SUN2: variants seen among roughly 807,000 people sequenced by gnomAD.
SUN2 encodes Sad1 and UNC84 domain containing 2.
SUN2 carries 60 observed loss-of-function variants against 100.0 expected under a neutral mutation model. The observed-to-expected ratio is 0.60, with a 90% CI of 0.49 to 0.74. The LOEUF is 0.74. SUN2 is among the 30% of genes least tolerant of loss of function. SUN2 has a pLI of 0.00. For missense variants in SUN2, 834 were observed against 954.6 expected (o/e 0.87, Z 1.66); for synonymous variants, 367 against 403.3 (o/e 0.91, Z 1.08).
intron 7 of SUN2, 100 bp downstream of exon 7, chr22:38,748,613 A>G (rs2092921428): frequency 7.3e-7 from 1 of 1,374,664 alleles, no homozygotes; most frequent in Admixed American, 1.7e-5. Flanking sequence ...AGTCACAGGC[A>G]CACCCCACCC....
In SUN2 at chr22:38,740,185, G is replaced by C. The variant is rs1272832870; in HGVS notation, c.1356+82C>G. On this transcript the variant is annotated intron_variant, in intron 12 of 17. Transcript: ENST00000689035. The surrounding 1 kb of genome is among the most constrained non-coding windows in gnomAD (Gnocchi z 4.8). ...CATAACAGAGGCTGCAGGGGCAAGG[G>C]GTGCTGCTTTGCAGGCCCCAGGACA... 5 of 1,435,290 alleles carry C rather than the reference G, an allele frequency of 3.5e-6. No individual in the cohort carries two copies. In the Admixed American group the frequency reaches 1.1e-4, roughly 31 times the overall value. 88.9% of individuals were successfully genotyped at this position (1,435,290 alleles called of 1,614,324 possible).
In SUN2 at chr22:38,739,207, A is replaced by T. The variant is rs1419728897; in HGVS notation, c.1663+135T>A. 4 of 1,066,314 alleles carry T rather than the reference A, an allele frequency of 3.8e-6. No individual in the cohort carries two copies. Among genetic ancestry groups the T allele is most frequent in the East Asian group, 2.5e-5 (1 of 40,154 alleles). 66.1% of individuals were successfully genotyped at this position (1,066,314 alleles called of 1,614,324 possible). A position where few individuals can be genotyped will look rare whatever the true frequency, so the allele number is the denominator to read the frequency against. On this transcript the variant is annotated intron_variant, in intron 14 of 17. Transcript: ENST00000689035. This position sits in a 1 kb window ranked among gnomAD's most constrained non-coding sequence, Gnocchi z 6.7. ...CCCTGAATTGCCACTTGCCTTTGTCATGGGTACTAGGTTGGGTGATTTCTG... is the reference window on the plus strand; with the variant it reads ...CCCTGAATTGCCACTTGCCTTTGTCTTGGGTACTAGGTTGGGTGATTTCTG...
Position 38,738,246 on chromosome 22 carries a change from T to C in SUN2, c.1967A>G (p.Gln656Arg), listed in dbSNP as rs778318369. The C allele has an allele frequency of 6.2e-7, 1 of 1,613,922 alleles. No homozygotes were observed. Among genetic ancestry groups the C allele is most frequent in the Non-Finnish European group, 8.5e-7 (1 of 1,179,970 alleles). Residue 656 changes from glutamine to arginine, a missense_variant, in exon 17 of 18, where the codon CAG (glutamine) becomes CGG (arginine). This residue lies in a region of SUN2 where 195 missense variants were observed against 280.2 expected (regional missense o/e 0.70). Coordinates refer to ENST00000689035, the MANE Select transcript of SUN2 (RefSeq NM_015374.3). This position sits in a 1 kb window ranked among gnomAD's most constrained non-coding sequence, Gnocchi z 6.6. The part of the protein sequence containing the change: ...FAIFGFDEDL[Q>R]QEGTLLGKFT... The stretch of plus-strand genomic sequence containing the variant: ...CTTGCCAAGGAGTGTCCCCTCCTGC[T>C]GCAGGTCTTCGTCAAACCCCTGCAA...
Position 38,740,297 on chromosome 22 carries a change from C to T in SUN2, c.1326G>A (p.Leu442=), listed in dbSNP as rs985201459. The T allele has an allele frequency of 6.2e-7, 1 of 1,602,698 alleles. No homozygotes were observed. The highest frequency in any genetic ancestry group is 1.7e-5 in the Admixed American group (1 of 59,180). Residue 442 remains leucine, a synonymous_variant, in exon 12 of 18, where the codon CTG becomes CTA. Coordinates refer to ENST00000689035, the MANE Select transcript of SUN2 (RefSeq NM_015374.3). The surrounding 1 kb of genome is among the most constrained non-coding windows in gnomAD (Gnocchi z 4.8). ...QSSVAEEVGL[L]PQQIQAVRDD... is the part of the protein sequence containing the mutation. ...CCCGCACGGCCTGGATCTGCTGGGG[C>T]AGCAGGCCCACTTCTTCCGCCACCG...
Position 38,750,986 on chromosome 22 carries a change from G to T in SUN2, c.336C>A (p.Ser112Arg). Residue 112 changes from serine to arginine, a missense_variant, in exon 4 of 18, where the codon AGC becomes AGA. Transcript: ENST00000689035. ...GCCCCACAAGCCCGCTGGCCCTGCTGCTCTCTGAGCCACCCGTGCCTCTCC... is the reference window on the plus strand; with the variant it reads ...GCCCCACAAGCCCGCTGGCCCTGCTTCTCTCTGAGCCACCCGTGCCTCTCC... The part of the protein sequence containing the change: ...RRRRGTGGSE[S>R]SRASGLVGRK... 2.5e-6 allele frequency: 4 copies of T among 1,613,776 alleles called. No individual in the cohort carries two copies. Among genetic ancestry groups the T allele is most frequent in the Non-Finnish European group, 3.4e-6 (4 of 1,179,946 alleles).
chr22:38,748,068 C>T (rs1463702610), intron 7 of SUN2, among the ~76,000 whole-genome samples: 1 of 152,160 alleles, frequency 6.6e-6, no homozygotes, highest in Non-Finnish European at 1.5e-5. Flanking sequence ...GTAATCCCAG[C>T]ACTTTGGGAG....
chr22:38,742,431 C>T lies in SUN2; in HGVS notation c.938G>A (p.Gly313Glu). 6.2e-7 allele frequency: 1 copy of T among 1,613,568 alleles called. No individual in the cohort carries two copies. The highest frequency in any genetic ancestry group is 8.5e-7 in the Non-Finnish European group (1 of 1,180,020). Residue 313 changes from glycine to glutamate, a missense_variant, in exon 9 of 18, where the codon GGG becomes GAG. This residue lies in a region of SUN2 where 559 missense variants were observed against 597.7 expected (regional missense o/e 0.94). Transcript: ENST00000689035. ...MRLERLELRQ[G>E]APGQGGGGGL... Reference sequence around the variant, plus strand: ...ACCACCACCTCCCTGGCCAGGAGCCCCTTGCCGCAGCTCCAGACGTTCCAG... The same window carrying T: ...ACCACCACCTCCCTGGCCAGGAGCCTCTTGCCGCAGCTCCAGACGTTCCAG...
At chr22:38,736,578 C>T in intron 17 of SUN2, 198 bp from the exon 18 acceptor site, 1 of 464,732 alleles carries the variant, frequency 2.2e-6, no homozygotes. Flanking sequence ...GGTTAAGGGG[C>T]CACCTGTAGC....
In SUN2 at chr22:38,738,713, T is replaced by A; in HGVS notation, c.1821A>T (p.Pro607=). 6.2e-7 allele frequency: 1 copy of A among 1,613,650 alleles called. No individual in the cohort carries two copies. Among genetic ancestry groups the A allele is most frequent in the Non-Finnish European group, 8.5e-7 (1 of 1,179,970 alleles). ...AGAGGCGGACCACGGCGAAGCCTTG[T>A]GGCCCCTGGAAGGCCCAGCAGTTGC... is the stretch of plus-strand genomic sequence containing the variant. ...HPGNCWAFQG[P]QGFAVVRLSA... is the part of the protein sequence containing the mutation. Residue 607 remains proline, a synonymous_variant, in exon 16 of 18, where the codon CCA becomes CCT. Coordinates refer to ENST00000689035, the MANE Select transcript of SUN2 (RefSeq NM_015374.3). This position sits in a 1 kb window ranked among gnomAD's most constrained non-coding sequence, Gnocchi z 6.6.
chr22:38,753,588 C>G (rs1426422951), intron 1 of SUN2, among the ~76,000 whole-genome samples: 1 of 152,172 alleles, frequency 6.6e-6, no homozygotes, highest in Admixed American at 6.5e-5. Context: ...CTCCCACCTA[C>G]GTCCTGATGG....
Position 38,749,916 on chromosome 22 carries a change from T to TTTGTCCC in SUN2, c.521-64_521-58dup, listed in dbSNP as rs2092931573. ...ATATGGTGTTTGGGGGCACCGCTCC[T>TTTGTCCC]TTGTCCCGTCTGCCGTCCTCCCTGC... On this transcript the variant is annotated intron_variant, in intron 5 of 17. Transcript: ENST00000689035. The TTTGTCCC allele has an allele frequency of 7.2e-6, 11 of 1,527,144 alleles. No individual in the cohort carries two copies. The Admixed American group carries it at 1.9e-4, about 27-fold the overall frequency. 94.6% of individuals were successfully genotyped at this position (1,527,144 alleles called of 1,614,324 possible). A position where few individuals can be genotyped will look rare whatever the true frequency, so the allele number is the denominator to read the frequency against.
rs1455579491 is a variant in SUN2 at position 38,740,002 on chromosome 22, A to G, written c.1357-59T>C. ...GCTTGCAGGGACAGCAGGAGCTGCT[A>G]TGACAGGGCTAGTGCTTAGCTGGAT... On this transcript the variant is annotated intron_variant, in intron 12 of 17. Transcript: ENST00000689035. The surrounding 1 kb of genome is among the most constrained non-coding windows in gnomAD (Gnocchi z 4.8). 3 of 1,564,570 alleles carry G rather than the reference A, an allele frequency of 1.9e-6. No homozygotes were observed. The highest frequency in any genetic ancestry group is 2.2e-5 in the East Asian group (1 of 44,550).
intron 6 of SUN2, 98 bp downstream of exon 6, chr22:38,749,668 A>G (rs2146063949): frequency 8.6e-7 from 1 of 1,158,890 alleles, no homozygotes; most frequent in Admixed American, 2.3e-5. Flanking sequence ...AAACTGGGGA[A>G]AACCCTCAGA....
chr22:38,739,097 C>T lies in SUN2; in HGVS notation c.1664-109G>A. The T allele has an allele frequency of 8.7e-7, 1 of 1,146,816 alleles. No individual in the cohort carries two copies. Among genetic ancestry groups the T allele is most frequent in the Admixed American group, 2.0e-5 (1 of 49,582 alleles). 71.0% of individuals were successfully genotyped at this position (1,146,816 alleles called of 1,614,324 possible). ...TGGACGGCAGATGCCCCAGGCCTAG[C>T]CTTTAACCCTAACCGAGATGCTCAG... On this transcript the variant is annotated intron_variant, in intron 14 of 17. Transcript: ENST00000689035. This position sits in a 1 kb window ranked among gnomAD's most constrained non-coding sequence, Gnocchi z 6.7.
intron 1 of SUN2, chr22:38,754,539 G>A (rs989270007): frequency 4.2e-5 from 41 of 986,182 alleles, no homozygotes; most frequent in Middle Eastern, 7.8e-4. Flanking sequence ...GGACCGATTG[G>A]TAGTAGGAAA....
At position 38,755,358 on chromosome 22, in the gene SUN2, C is replaced by T; in HGVS notation, c.-38+405G>A. 7 of 1,040,904 alleles carry T rather than the reference C, an allele frequency of 6.7e-6. No homozygotes were observed. Among genetic ancestry groups the T allele is most frequent in the Non-Finnish European group, 8.1e-6 (7 of 861,044 alleles). 64.5% of individuals were successfully genotyped at this position (1,040,904 alleles called of 1,614,324 possible). ...TGCTTTGTTTTGTTTTGTTTTAGAA[C>T]TGAACAAAACGGGCCTTCCTCTGAG... On this transcript the variant is annotated intron_variant, in intron 1 of 17. Coordinates refer to ENST00000689035, the MANE Select transcript of SUN2 (RefSeq NM_015374.3). This position sits in a 1 kb window ranked among gnomAD's most constrained non-coding sequence, Gnocchi z 5.7.
In SUN2 at chr22:38,755,718, C is replaced by T. The variant is rs969373571; in HGVS notation, c.-38+45G>A. 2.0e-6 allele frequency: 2 copies of T among 984,994 alleles called. No homozygotes were observed. Among genetic ancestry groups the T allele is most frequent in the African/African-American group, 1.7e-5 (1 of 57,262 alleles). The allele number at this position is 984,994 out of a possible 1,614,324, so 61.0% of individuals were successfully genotyped here. A position where few individuals can be genotyped will look rare whatever the true frequency, so the allele number is the denominator to read the frequency against. ...GCCCGACGGTGACCCGGGGTCAGGC[C>T]GGGCCGCGGCCCCCCAACCCTCTCC... On this transcript the variant is annotated intron_variant, in intron 1 of 17. Transcript: ENST00000689035. The surrounding 1 kb of genome is among the most constrained non-coding windows in gnomAD (Gnocchi z 5.7).
chr22:38,746,873 T>C (rs1227728386), intron 7 of SUN2, among the ~76,000 whole-genome samples: 1 of 149,794 alleles, frequency 6.7e-6, no homozygotes, highest in African/African-American at 2.5e-5. Context: ...CTACTAAAAA[T>C]ACAAAAAGAA....
intron 7 of SUN2, among the ~76,000 whole-genome samples, chr22:38,747,577 G>A (rs777383258): frequency 1.4e-4 from 21 of 152,210 alleles, no homozygotes; most frequent in Non-Finnish European, 2.2e-4. Context: ...AAATTGAGCT[G>A]AGAGTCACAT....
Sources: allele counts gnomAD v4.1 joint callset (sites outside exome capture counted in the v4.1 genomes callset), GRCh38; gene constraint gnomAD v4.1.1; regional missense constraint gnomAD v4.1.1; non-coding constraint Gnocchi (gnomAD v3.1); transcripts MANE v1.5; gene names NCBI Gene and HGNC (gene_info 2026-07-23, HGNC 2026-07-21).